Variants in FBN1 observed in about 807,000 individuals in gnomAD.
The protein encoded by FBN1 is fibrillin-1.
FBN1 carries 29 observed loss-of-function variants against 365.1 expected under a neutral mutation model. The observed-to-expected ratio is 0.08, with a 90% CI of 0.06 to 0.11. FBN1 has a LOEUF of 0.11. Ranked by LOEUF, FBN1 falls within the 10% of genes least tolerant of loss-of-function variation. The probability of loss-of-function intolerance (pLI) is 1.00; values close to 1 mark genes in which losing one functional copy is unlikely to be tolerated. For synonymous variants in FBN1, 1,210 were observed against 1,270.5 expected (o/e 0.95, Z 1.01); for missense variants, 2,476 against 3,703.2 (o/e 0.67, Z 8.60).
At chr15:48,411,676 A>C (rs116986637) in intron 65 of FBN1, among the ~76,000 whole-genome samples, 378 of 152,376 alleles carry the variant, frequency 2.5e-3, no homozygotes, top group South Asian at 4.1e-3. Context: ...TCTGTTAGAA[A>C]TGCAAATTCT....
At chr15:48,613,917 G>A (rs899385619) in intron 2 of FBN1, among the ~76,000 whole-genome samples, 1 of 152,134 alleles carries the variant, frequency 6.6e-6, no homozygotes, top group Non-Finnish European at 1.5e-5. Context: ...GACAGAGTGA[G>A]ACTCTGTCTC....
intron 3 of FBN1, among the ~76,000 whole-genome samples, chr15:48,611,810 T>C (rs1370933276): frequency 6.6e-6 from 1 of 152,198 alleles, no homozygotes; most frequent in Non-Finnish European, 1.5e-5. Context: ...TAGCACTTGG[T>C]CACTACTTTT....
chr15:48,434,575 C>A lies in FBN1; in HGVS notation c.6616+19G>T, dbSNP rs749079086. 1 of 1,613,350 alleles carries A rather than the reference C, an allele frequency of 6.2e-7. No individual in the cohort carries two copies. The highest frequency in any genetic ancestry group is 1.1e-5 in the South Asian group (1 of 91,076). ...GGATCAGTACACGTAATCAACTGTTCTCTGTTTAAGAGATGTACCTTCACA... is the reference window on the plus strand; with the variant it reads ...GGATCAGTACACGTAATCAACTGTTATCTGTTTAAGAGATGTACCTTCACA... On this transcript the variant is annotated intron_variant, in intron 54 of 65. Coordinates refer to ENST00000316623, the MANE Select transcript of FBN1 (RefSeq NM_000138.5).
At chr15:48,610,623 T>C (rs967067469) in intron 4 of FBN1, 105 bp downstream of exon 4, 19 of 836,182 alleles carry the variant, frequency 2.3e-5, no homozygotes, top group Middle Eastern at 3.4e-4. Context: ...GATGTTCTAG[T>C]GAAAAAATGT....
chr15:48,408,698 T>C lies in FBN1; in HGVS notation c.*2292A>G, dbSNP rs2042837500. The C allele has an allele frequency of 6.6e-6, 1 of 152,634 alleles. No homozygotes were observed. Among genetic ancestry groups the C allele is most frequent in the Admixed American group, 6.5e-5 (1 of 15,276 alleles). The allele number at this position is 152,634 out of a possible 1,614,324, so 9.5% of individuals were successfully genotyped here. ...AAGAGGAATATTTACAATGGAACAA[T>C]GAGGAAAATGTTTTGTTACAGTCAG... On this transcript the variant is annotated 3_prime_UTR_variant, in exon 66 of 66. Transcript: ENST00000316623.
chr15:48,589,117 G>A (rs1428047625), intron 6 of FBN1, among the ~76,000 whole-genome samples: 1 of 152,202 alleles, frequency 6.6e-6, no homozygotes, highest in Non-Finnish European at 1.5e-5. Flanking sequence ...ATGGCTCCTT[G>A]GAGCAGCAAA....
intron 6 of FBN1, among the ~76,000 whole-genome samples, chr15:48,593,526 T>C (rs2044495283): frequency 6.6e-6 from 1 of 152,198 alleles, no homozygotes; most frequent in South Asian, 2.1e-4. Context: ...ATCAACATTG[T>C]AATCAGCTCT....
At chr15:48,508,726 T>C in intron 14 of FBN1, 22 bp from the exon 15 acceptor site, 1 of 1,613,026 alleles carries the variant, frequency 6.2e-7, no homozygotes, top group East Asian at 2.2e-5. Flanking sequence ...AAACATACAT[T>C]TTCTTATGAC....
intron 14 of FBN1, 73 bp downstream of exon 14, chr15:48,509,971 T>C (rs2043744799): frequency 6.8e-7 from 1 of 1,460,476 alleles, no homozygotes; most frequent in Non-Finnish European, 9.6e-7. Context: ...ACTCATTATT[T>C]GGTCTTGTTA....
intron 5 of FBN1, among the ~76,000 whole-genome samples, chr15:48,598,642 C>T (rs904720467): frequency 1.3e-5 from 2 of 152,126 alleles, no homozygotes. Context: ...CTACCATCTG[C>T]CCAAAAAGGT....
chr15:48,517,458 T>C (rs2043815050), intron 10 of FBN1, among the ~76,000 whole-genome samples: 1 of 152,180 alleles, frequency 6.6e-6, no homozygotes, highest in Non-Finnish European at 1.5e-5. Flanking sequence ...GAATGCTGCA[T>C]AGTGACCCTC....
chr15:48,589,809 G>A (rs1039041908), intron 6 of FBN1, among the ~76,000 whole-genome samples: 2 of 151,844 alleles, frequency 1.3e-5, no homozygotes, highest in Non-Finnish European at 2.9e-5. Context: ...AGTAGAGACA[G>A]GGTTTCACAG....
At chr15:48,576,462 AC>A (rs1368149739) in intron 6 of FBN1, among the ~76,000 whole-genome samples, 1 of 152,036 alleles carries the variant, frequency 6.6e-6, no homozygotes, top group Admixed American at 6.6e-5. Context: ...TCCTTCATTT[AC>A]CCATGGGTTG....
Position 48,496,220 on chromosome 15 carries a change from T to C in FBN1, c.2299A>G (p.Asn767Asp). ...AGGAGACTGTTCAGTACACATTCAT[T>C]AATATCTGCAAAGTCAATGAAAATA... ...DSTGKNCVDI[N>D]ECVLNSLLCD... is the part of the protein sequence containing the mutation. The change falls in exon 20 of 66, where the codon AAT becomes GAT. Residue 767 changes from asparagine to aspartate, a missense_variant. By Grantham distance (23) the Asn-to-Asp change is conservative (BLOSUM62 1). This residue lies in a region of FBN1 where 1,780 missense variants were observed against 2,840.8 expected (regional missense o/e 0.63). Coordinates refer to ENST00000316623, the MANE Select transcript of FBN1 (RefSeq NM_000138.5). 6.2e-7 allele frequency: 1 copy of C among 1,613,726 alleles called. No individual in the cohort carries two copies.
intron 6 of FBN1, among the ~76,000 whole-genome samples, chr15:48,583,815 G>A (rs946104748): frequency 6.6e-6 from 1 of 152,060 alleles, no homozygotes; most frequent in African/African-American, 2.4e-5. Flanking sequence ...TTGCACTATT[G>A]TAGTTTTAGC....
chr15:48,519,644 C>A (rs2043834200), intron 10 of FBN1, among the ~76,000 whole-genome samples: 1 of 151,932 alleles, frequency 6.6e-6, no homozygotes, highest in Non-Finnish European at 1.5e-5. Context: ...ATATAACAGG[C>A]AAGGATGGCA....
At chr15:48,598,399 G>C (rs28370880) in intron 5 of FBN1, among the ~76,000 whole-genome samples, 1 of 151,968 alleles carries the variant, frequency 6.6e-6, no homozygotes, top group African/African-American at 2.4e-5. Context: ...AAAAGATGTA[G>C]GTTATTGATG....
Position 48,468,403 on chromosome 15 carries a change from A to T in FBN1, c.4582+9T>A. Reference sequence around the variant, plus strand: ...TGCTTGCTTCTCTGAAAAGTTTTTAAGGTCTTACCAACACAGCCAACTCGA... The same window carrying T: ...TGCTTGCTTCTCTGAAAAGTTTTTATGGTCTTACCAACACAGCCAACTCGA... On this transcript the variant is annotated intron_variant, in intron 37 of 65. Transcript: ENST00000316623. 6.2e-7 allele frequency: 1 copy of T among 1,614,096 alleles called. No homozygotes were observed. The highest frequency in any genetic ancestry group is 8.5e-7 in the Non-Finnish European group (1 of 1,180,028).
At chr15:48,499,831 A>G (rs890072004) in intron 17 of FBN1, among the ~76,000 whole-genome samples, 1 of 152,208 alleles carries the variant, frequency 6.6e-6, no homozygotes, top group African/African-American at 2.4e-5. Flanking sequence ...TAAGTTGCCA[A>G]TGGTTTCTGG....
Sources: allele counts gnomAD v4.1 joint callset (sites outside exome capture counted in the v4.1 genomes callset), GRCh38; gene constraint gnomAD v4.1.1; regional missense constraint gnomAD v4.1.1; transcripts MANE v1.5; gene names NCBI Gene and HGNC (gene_info 2026-07-23, HGNC 2026-07-21).